Variants in CADPS2 observed in about 807,000 individuals in gnomAD.
CADPS2 encodes calcium dependent secretion activator 2.
Under a neutral mutation model 172.5 loss-of-function variants are expected in CADPS2, and 93 were observed. The observed-to-expected ratio is 0.54, with a 90% CI of 0.46 to 0.64. The LOEUF (loss-of-function observed/expected upper bound fraction) is 0.64, where lower values mean the gene tolerates loss of function less well. Among genes scored for constraint, CADPS2 ranks in the 30% least tolerant of loss-of-function variants. The pLI is 0.00. For synonymous variants in CADPS2, 546 were observed against 555.2 expected (o/e 0.98, Z 0.23); for missense variants, 1,420 against 1,565.9 (o/e 0.91, Z 1.57).
At chr7:122,718,279 A>G (rs2089929644) in intron 2 of CADPS2, among the ~76,000 whole-genome samples, 1 of 152,046 alleles carries the variant, frequency 6.6e-6, no homozygotes, top group Non-Finnish European at 1.5e-5. Flanking sequence ...TCTCCATCAT[A>G]TTCCTATATA....
chr7:122,332,963 A>G (rs2035243755), intron 28 of CADPS2, among the ~76,000 whole-genome samples: 1 of 152,232 alleles, frequency 6.6e-6, no homozygotes, highest in South Asian at 2.1e-4. Flanking sequence ...GTAATTGGAA[A>G]GTGAAAATTT....
At chr7:122,860,344 G>A (rs900087777) in intron 1 of CADPS2, among the ~76,000 whole-genome samples, 5 of 151,922 alleles carry the variant, frequency 3.3e-5, no homozygotes, top group East Asian at 3.9e-4. Flanking sequence ...CACCTACCTC[G>A]GTTTTCCAAT....
At chr7:122,647,612 T>G (rs1260377058) in intron 3 of CADPS2, among the ~76,000 whole-genome samples, 2 of 152,198 alleles carry the variant, frequency 1.3e-5, no homozygotes, top group African/African-American at 4.8e-5. Context: ...TTAACTTTTT[T>G]CTAGTTTAAA....
chr7:122,743,663 C>G (rs1389879461), intron 1 of CADPS2, among the ~76,000 whole-genome samples: 3 of 152,132 alleles, frequency 2.0e-5, no homozygotes. Context: ...AGGTAAAAGT[C>G]TTTACTCTAG....
intron 2 of CADPS2, among the ~76,000 whole-genome samples, chr7:122,694,219 T>C (rs958490374): frequency 4.6e-5 from 7 of 151,984 alleles, no homozygotes; most frequent in African/African-American, 1.7e-4. Context: ...AAAGAAGAGA[T>C]GGACTGGGAA....
At chr7:122,485,711 T>G (rs2057739094) in intron 11 of CADPS2, among the ~76,000 whole-genome samples, 1 of 152,220 alleles carries the variant, frequency 6.6e-6, no homozygotes, top group Admixed American at 6.5e-5. Flanking sequence ...AAATAACAGA[T>G]TTTTAGTGTA....
At chr7:122,763,767 C>T (rs1343756279) in intron 1 of CADPS2, among the ~76,000 whole-genome samples, 5 of 152,086 alleles carry the variant, frequency 3.3e-5, no homozygotes, top group Admixed American at 3.3e-4. Flanking sequence ...GAAAGACAGA[C>T]ATGAAATGTT....
At chr7:122,750,892 T>C (rs531913456) in intron 1 of CADPS2, among the ~76,000 whole-genome samples, 41 of 152,270 alleles carry the variant, frequency 2.7e-4, no homozygotes, top group Admixed American at 2.0e-4. Flanking sequence ...AGATGGTAAT[T>C]ATGAGTTAAG....
chr7:122,694,008 A>G (rs1483988435), intron 2 of CADPS2, among the ~76,000 whole-genome samples: 2 of 152,202 alleles, frequency 1.3e-5, no homozygotes, highest in African/African-American at 4.8e-5. Flanking sequence ...ATTTTTCAAC[A>G]GAAGCAAAGA....
At chr7:122,384,072 A>G (rs1389838367) in intron 24 of CADPS2, among the ~76,000 whole-genome samples, 1 of 152,052 alleles carries the variant, frequency 6.6e-6, no homozygotes, top group African/African-American at 2.4e-5. Context: ...TGGCTTTGTG[A>G]TCTCGACATC....
rs567107411 is a variant in CADPS2 at position 122,654,708 on chromosome 7, G to GCTAA, written c.786+8525_786+8528dup. 9.8e-5 allele frequency among the ~76,000 whole-genome samples: 15 copies of GCTAA among 152,312 alleles called. 1 individual carries two copies. The highest frequency in any genetic ancestry group is 3.4e-3 in the Middle Eastern group (1 of 294). The stretch of plus-strand genomic sequence containing the variant: ...GAAGATTCACATTGATTTCATGCCT[G>GCTAA]CTAACATAAGATCCATTCTGCAGCT... On this transcript the variant is annotated intron_variant, in intron 3 of 29. Coordinates refer to ENST00000449022, the MANE Select transcript of CADPS2 (RefSeq NM_017954.11).
intron 1 of CADPS2, among the ~76,000 whole-genome samples, chr7:122,823,541 T>C (rs1005420709): frequency 2.6e-5 from 4 of 152,186 alleles, no homozygotes; most frequent in East Asian, 1.9e-4. Flanking sequence ...AGGCAGATTC[T>C]AATTCAGTAG....
chr7:122,411,085 ATCTC>A (rs372300012), intron 19 of CADPS2, among the ~76,000 whole-genome samples: 167 of 151,824 alleles, frequency 1.1e-3, no homozygotes, highest in Middle Eastern at 6.8e-3. Context: ...ACTGCCTATC[ATCTC>A]TCTCTCTCTC....
At chr7:122,445,314 G>A (rs1021874006) in intron 15 of CADPS2, among the ~76,000 whole-genome samples, 3 of 152,018 alleles carry the variant, frequency 2.0e-5, no homozygotes, top group Non-Finnish European at 2.9e-5. Flanking sequence ...ACAATATTGA[G>A]TCTTCTGGCC....
intron 2 of CADPS2, among the ~76,000 whole-genome samples, chr7:122,723,218 G>A (rs1443260111): frequency 6.6e-6 from 1 of 152,028 alleles, no homozygotes; most frequent in Non-Finnish European, 1.5e-5. Context: ...CACAGTGAAA[G>A]AAACTACCAT....
rs182250479 is a variant in CADPS2 at position 122,376,934 on chromosome 7, G to A, written c.3387+2434C>T. Among the ~76,000 whole-genome samples, 74 of 152,112 alleles carry A rather than the reference G, an allele frequency of 4.9e-4. No individual in the cohort carries two copies. In the East Asian group the frequency reaches 8.2e-3, roughly 17 times the overall value. On this transcript the variant is annotated intron_variant, in intron 25 of 29. Coordinates refer to ENST00000449022, the MANE Select transcript of CADPS2 (RefSeq NM_017954.11). ...ATATCATAATTATGGAGATTAATTT[G>A]CATCATCTTTTTAAAAAACATCAAT...
At chr7:122,850,188 T>G in intron 1 of CADPS2, 2 of 1,099,904 alleles carry the variant, frequency 1.8e-6, no homozygotes, top group Non-Finnish European at 2.4e-6. Context: ...CCCATGCTGA[T>G]AGAGTACCCT....
At chr7:122,836,465 A>C (rs190704225) in intron 1 of CADPS2, among the ~76,000 whole-genome samples, 1 of 152,214 alleles carries the variant, frequency 6.6e-6, no homozygotes, top group Non-Finnish European at 1.5e-5. Flanking sequence ...AAATCCTCCA[A>C]TTAAATGACA....
intron 1 of CADPS2, among the ~76,000 whole-genome samples, chr7:122,871,147 G>A (rs981286735): frequency 6.6e-5 from 10 of 151,676 alleles, no homozygotes; most frequent in Admixed American, 4.6e-4. Context: ...GGAAGACAGG[G>A]GACAACGGAG....
Sources: gnomAD v4.1 joint callset for allele counts (sites outside exome capture counted in the v4.1 genomes callset) on GRCh38, gnomAD v4.1.1 for gene constraint, MANE v1.5 for transcripts, NCBI Gene and HGNC (gene_info 2026-07-23, HGNC 2026-07-21) for gene names.